Variants in ABCC2 observed in about 807,000 individuals in gnomAD.
The protein encoded by ABCC2 is ATP-binding cassette sub-family C member 2.
ABCC2 carries 157 observed loss-of-function variants against 173.4 expected under a neutral mutation model. The ratio of observed to expected loss-of-function variants is 0.91; its 90% confidence interval spans 0.80 to 1.03. ABCC2 has a LOEUF of 1.03. ABCC2 is among the 50% of genes least tolerant of loss of function. The pLI, the probability that ABCC2 is intolerant of heterozygous loss-of-function variation, is 0.00. For synonymous variants in ABCC2, 657 were observed against 693.5 expected (o/e 0.95, Z 0.83); for missense variants, 1,822 against 1,852.3 (o/e 0.98, Z 0.30).
At position 99,851,951 on chromosome 10, in the gene ABCC2, A is replaced by G. The variant is rs1330377772; in HGVS notation, c.*320A>G. 4.1e-6 allele frequency: 1 copy of G among 243,682 alleles called. No homozygotes were observed. Among genetic ancestry groups the G allele is most frequent in the Non-Finnish European group, 7.9e-6 (1 of 126,212 alleles). 15.1% of individuals were successfully genotyped at this position (243,682 alleles called of 1,614,324 possible). On this transcript the variant is annotated 3_prime_UTR_variant, in exon 32 of 32. Transcript: ENST00000647814. ...ACCTTTGTATGTATCTTTAAACAAC[A>G]TATACCCTTTTTTACTTATGTAAAT...
intron 5 of ABCC2, 25 bp from the exon 6 acceptor site, chr10:99,794,388 A>G: frequency 6.2e-7 from 1 of 1,608,994 alleles, no homozygotes; most frequent in Non-Finnish European, 8.5e-7. Context: ...ATTGGTTTAC[A>G]TTTCGATTTT....
chr10:99,815,675 T>C (rs1417513200), intron 16 of ABCC2, among the ~76,000 whole-genome samples: 1 of 152,188 alleles, frequency 6.6e-6, no homozygotes, highest in Non-Finnish European at 1.5e-5. Context: ...GATCTTCATA[T>C]ATATATTGCT....
chr10:99,836,141 C>CA lies in ABCC2; in HGVS notation c.3466dup (p.Arg1156LysfsTer22). On this transcript the variant is annotated frameshift_variant, in exon 25 of 32. Coordinates refer to ENST00000647814, the MANE Select transcript of ABCC2 (RefSeq NM_000392.5). LOFTEE classifies it high-confidence loss of function. ...AGCTGAGGCGTCTGGACTCTGTCAC[C>CA]AGGTCCCCAATCTACTCTCACTTCA... The CA allele has an allele frequency of 6.2e-7, 1 of 1,614,158 alleles. No individual in the cohort carries two copies. Among genetic ancestry groups the CA allele is most frequent in the Non-Finnish European group, 8.5e-7 (1 of 1,180,042 alleles).
At chr10:99,811,868 C>T (rs907885713) in intron 15 of ABCC2, among the ~76,000 whole-genome samples, 3 of 152,150 alleles carry the variant, frequency 2.0e-5, no homozygotes, top group African/African-American at 7.2e-5. Flanking sequence ...TTTGTGTGTG[C>T]AGATTGTGGA....
chr10:99,786,664 T>A (rs753204228), intron 2 of ABCC2, among the ~76,000 whole-genome samples: 1 of 150,794 alleles, frequency 6.6e-6, no homozygotes, highest in Non-Finnish European at 1.5e-5. Flanking sequence ...GTCAAGAGTT[T>A]GAGACCAGCT....
intron 31 of ABCC2, 36 bp downstream of exon 31, chr10:99,850,832 T>C (rs771345148): frequency 6.2e-7 from 1 of 1,611,520 alleles, no homozygotes; most frequent in South Asian, 1.1e-5. Context: ...CACGGATGGC[T>C]TAACCCTTGC....
chr10:99,823,047 A>G (rs71488030), intron 19 of ABCC2, among the ~76,000 whole-genome samples: 100,126 of 150,944 alleles, frequency 0.66, 33,654 homozygotes, highest in East Asian at 0.78. Context: ...AGTATCAACT[A>G]TTACATGAAC....
intron 3 of ABCC2, 38 bp downstream of exon 3, chr10:99,792,397 A>G: frequency 6.2e-7 from 1 of 1,610,872 alleles, no homozygotes; most frequent in Non-Finnish European, 8.5e-7. Context: ...TTACCTTTTC[A>G]TTACCCATAG....
chr10:99,817,245 C>T (rs899936733), intron 16 of ABCC2, 63 bp from the exon 17 acceptor site: 24 of 1,532,478 alleles, frequency 1.6e-5, no homozygotes, highest in African/African-American at 2.7e-5. Flanking sequence ...CCAGCCACCC[C>T]GTCCTTCAAC....
intron 19 of ABCC2, among the ~76,000 whole-genome samples, chr10:99,829,084 T>C (rs955598819): frequency 4.6e-5 from 7 of 152,154 alleles, no homozygotes; most frequent in East Asian, 1.9e-4. Context: ...TGTTAAATAA[T>C]TGCTGCTGGT....
At chr10:99,805,241 G>A in intron 10 of ABCC2, 141 bp from the exon 11 acceptor site, 1 of 700,820 alleles carries the variant, frequency 1.4e-6, no homozygotes, top group Non-Finnish European at 2.6e-6. Context: ...AGAGTGGAGG[G>A]AGGTGAATCC....
At chr10:99,788,004 C>T (rs1554846387) in intron 2 of ABCC2, among the ~76,000 whole-genome samples, 1 of 151,884 alleles carries the variant, frequency 6.6e-6, no homozygotes, top group Non-Finnish European at 1.5e-5. Context: ...GAGGTCAAGG[C>T]TGCAGTGAGC....
intron 19 of ABCC2, among the ~76,000 whole-genome samples, chr10:99,821,428 C>T (rs566822474): frequency 2.5e-4 from 38 of 151,966 alleles, no homozygotes; most frequent in East Asian, 7.7e-4. Flanking sequence ...TCCCTTCCCA[C>T]GAGGCCATAT....
intron 29 of ABCC2, among the ~76,000 whole-genome samples, chr10:99,846,120 T>C (rs2039013499): frequency 1.3e-5 from 2 of 152,206 alleles, no homozygotes; most frequent in African/African-American, 4.8e-5. Context: ...CTTGAAGCCA[T>C]TAAGCTTTAT....
chr10:99,830,368 C>A lies in ABCC2; in HGVS notation c.2682C>A (p.Ile894=). 6.2e-7 allele frequency: 1 copy of A among 1,614,166 alleles called. No homozygotes were observed. Among genetic ancestry groups the A allele is most frequent in the Non-Finnish European group, 8.5e-7 (1 of 1,180,014 alleles). ...GGCTGATATCCAGTGTGGAAGAGAT[C>A]CCCGAAGATGCAGCCTCCATAACCA... ...DYGLISSVEE[I]PEDAASITMR... is the part of the protein sequence containing the mutation. The change falls in exon 20 of 32, where the codon ATC becomes ATA. Residue 894 remains isoleucine (I), a synonymous_variant. Transcript: ENST00000647814.
At chr10:99,806,731 A>G (rs142449620) in intron 11 of ABCC2, among the ~76,000 whole-genome samples, 21 of 152,312 alleles carry the variant, frequency 1.4e-4, no homozygotes, top group African/African-American at 4.8e-4. Context: ...CTTTCCCTCT[A>G]TTTGCCAGCT....
rs570931036 is a variant in ABCC2, at chr10:99,794,972, A to G, written c.632+504A>G. Among the ~76,000 whole-genome samples the G allele has an allele frequency of 2.6e-5, 4 of 152,316 alleles. No individual in the cohort carries two copies. The East Asian group carries it at 7.7e-4, about 29-fold the overall frequency. On this transcript the variant is annotated intron_variant, in intron 6 of 31. Coordinates refer to ENST00000647814, the MANE Select transcript of ABCC2 (RefSeq NM_000392.5). ...GGCAGATTGGGATGCTGAGGAGAAG[A>G]TGGAGGGGGATTTGTTTTTGGTAGC... is the stretch of plus-strand genomic sequence containing the variant.
rs766157931 is a variant in ABCC2 at position 99,808,229 on chromosome 10, G to C, written c.1815G>C (p.Gln605His). Residue 605 changes from glutamine to histidine, a missense_variant and splice_region_variant, in exon 13 of 32, where the codon CAG becomes CAC. Gln to His is a conservative substitution (Grantham distance 24). Transcript: ENST00000647814. Reference protein sequence around the residue: ...MLPMMISSMLQASVSTERLEK... With the variant: ...MLPMMISSMLHASVSTERLEK... ...CCATGATGATCTCCTCCATGCTCCAGGTAGGTCGGCATTCTCACTGCTAAC... is the reference window on the plus strand; with the variant it reads ...CCATGATGATCTCCTCCATGCTCCACGTAGGTCGGCATTCTCACTGCTAAC... 2 of 1,613,888 alleles carry C rather than the reference G, an allele frequency of 1.2e-6. No homozygotes were observed. The highest frequency in any genetic ancestry group is 1.7e-6 in the Non-Finnish European group (2 of 1,180,004).
chr10:99,796,950 T>C, intron 6 of ABCC2, 147 bp from the exon 7 acceptor site: 1 of 737,684 alleles, frequency 1.4e-6, no homozygotes, highest in East Asian at 2.7e-5. Flanking sequence ...CCCACTCCTC[T>C]GTCAAGTTCA....
Sources: gnomAD v4.1 joint callset for allele counts (sites outside exome capture counted in the v4.1 genomes callset) on GRCh38, gnomAD v4.1.1 for gene constraint, MANE v1.5 for transcripts, NCBI Gene and HGNC (gene_info 2026-07-23, HGNC 2026-07-21) for gene names.